The following DLGAP4 variants were observed in gnomAD, a reference collection of about 807,000 sequenced individuals.
DLGAP4 encodes the protein DLG associated protein 4.
In DLGAP4, 18 loss-of-function variants were observed where a neutral mutation model predicts 86.9. The ratio of observed to expected loss-of-function variants is 0.21; its 90% CI spans 0.14 to 0.31. The LOEUF is 0.31. DLGAP4 is among the 10% of genes least tolerant of loss of function. The pLI, the probability that DLGAP4 is intolerant of heterozygous loss-of-function variation, is 1.00. For synonymous variants in DLGAP4, 548 were observed against 574.3 expected (o/e 0.95, Z 0.65); for missense variants, 1,085 against 1,362.6 (o/e 0.80, Z 3.21).
At chr20:36,524,015 G>C (rs2037546212) in intron 10 of DLGAP4, among the ~76,000 whole-genome samples, 1 of 151,996 alleles carries the variant, frequency 6.6e-6, no homozygotes. Context: ...TTTACACTCA[G>C]TTTTCATATT....
chr20:36,505,878 A>G (rs943801341), intron 10 of DLGAP4, among the ~76,000 whole-genome samples: 8 of 152,132 alleles, frequency 5.3e-5, no homozygotes, highest in African/African-American at 1.7e-4. Flanking sequence ...CATTGAGTAC[A>G]CTGAGGAAGA....
chr20:36,478,876 A>G (rs563175239), intron 7 of DLGAP4, among the ~76,000 whole-genome samples: 88 of 152,256 alleles, frequency 5.8e-4, no homozygotes, highest in African/African-American at 1.9e-3. Flanking sequence ...CATCTCCTTG[A>G]GGGGATCAAA....
At chr20:36,317,313 C>T (rs1405117547) in intron 1 of DLGAP4, among the ~76,000 whole-genome samples, 9,217 of 17,460 alleles carry the variant, frequency 0.53, 1,180 homozygotes, top group Middle Eastern at 0.69. Context: ...TTCTTCCTTC[C>T]TTCCTTCCTT....
intron 7 of DLGAP4, among the ~76,000 whole-genome samples, chr20:36,474,498 T>C (rs920928241): frequency 5.3e-5 from 8 of 152,234 alleles, no homozygotes; most frequent in African/African-American, 1.9e-4. Context: ...GGACCTATTA[T>C]TGACTGCGGA....
At chr20:36,486,346 T>C (rs1029148703) in intron 7 of DLGAP4, among the ~76,000 whole-genome samples, 9 of 152,148 alleles carry the variant, frequency 5.9e-5, no homozygotes, top group African/African-American at 2.2e-4. Context: ...AGCTTTAGAC[T>C]GGATGGTCAG....
intron 7 of DLGAP4, among the ~76,000 whole-genome samples, chr20:36,469,752 CAAAAA>C (rs529690960): frequency 1.2e-5 from 1 of 81,832 alleles, no homozygotes. Flanking sequence ...GACTCTGTCT[CAAAAA>C]AAAAAAAAAA....
At chr20:36,493,714 G>A (rs1224454640) in intron 7 of DLGAP4, among the ~76,000 whole-genome samples, 1 of 152,224 alleles carries the variant, frequency 6.6e-6, no homozygotes, top group Non-Finnish European at 1.5e-5. Flanking sequence ...GCAGAGTGAG[G>A]TGGCTGTGCC....
At chr20:36,482,552 C>A (rs2035233019) in intron 7 of DLGAP4, among the ~76,000 whole-genome samples, 1 of 152,236 alleles carries the variant, frequency 6.6e-6, no homozygotes, top group Non-Finnish European at 1.5e-5. Flanking sequence ...CTCAGTCCTT[C>A]ACCAGACCAA....
Position 36,308,121 on chromosome 20 carries a change from G to A in DLGAP4, c.-304+1609G>A, listed in dbSNP as rs782713086. On this transcript the variant is annotated intron_variant, in intron 1 of 12. Transcript: ENST00000339266. The surrounding 1 kb of genome is among the most constrained non-coding windows in gnomAD (Gnocchi z 4.5). The stretch of plus-strand genomic sequence containing the variant: ...AGCTCCGGAGACGCTGGCTGTGCAC[G>A]TGGGGCTGGCTAGAGTGCCTGTCTC... Among the ~76,000 whole-genome samples the A allele has an allele frequency of 5.3e-5, 8 of 152,224 alleles. No homozygotes were observed. Among genetic ancestry groups the A allele is most frequent in the Non-Finnish European group, 1.2e-4 (8 of 68,044 alleles).
At chr20:36,482,160 A>T (rs902698058) in intron 7 of DLGAP4, among the ~76,000 whole-genome samples, 1 of 151,772 alleles carries the variant, frequency 6.6e-6, no homozygotes, top group African/African-American at 2.4e-5. Flanking sequence ...TACTCCTGTC[A>T]CCTGATATGC....
chr20:36,319,373 T>G (rs1600394628), intron 1 of DLGAP4, among the ~76,000 whole-genome samples: 1 of 151,628 alleles, frequency 6.6e-6, no homozygotes, highest in Non-Finnish European at 1.5e-5. Context: ...GGTTTGAGGG[T>G]GAATTGAGGT....
At chr20:36,515,203 T>C (rs567035756) in intron 10 of DLGAP4, among the ~76,000 whole-genome samples, 11 of 152,352 alleles carry the variant, frequency 7.2e-5, no homozygotes, top group East Asian at 3.9e-4. Flanking sequence ...AAAAAACTTT[T>C]GTTTTATATA....
At chr20:36,468,330 G>A (rs2034510105) in intron 7 of DLGAP4, among the ~76,000 whole-genome samples, 1 of 152,254 alleles carries the variant, frequency 6.6e-6, no homozygotes, top group Admixed American at 6.5e-5. Context: ...GAAGGGACTT[G>A]TCTCCAAGGT....
At chr20:36,343,815 C>T (rs574639157) in intron 1 of DLGAP4, among the ~76,000 whole-genome samples, 2 of 152,348 alleles carry the variant, frequency 1.3e-5, no homozygotes, top group African/African-American at 2.4e-5. Flanking sequence ...CTCCCCGGTA[C>T]TCAGATGCCT....
intron 2 of DLGAP4, among the ~76,000 whole-genome samples, chr20:36,397,164 C>G (rs1315521495): frequency 1.3e-5 from 2 of 152,156 alleles, no homozygotes; most frequent in African/African-American, 4.8e-5. Context: ...CTGAGGCAGC[C>G]CTGTACTCCC....
chr20:36,374,161 A>C (rs982764992), intron 2 of DLGAP4, among the ~76,000 whole-genome samples: 1 of 152,094 alleles, frequency 6.6e-6, no homozygotes. Context: ...TACCGATTTC[A>C]CTAGGGAGAC....
intron 7 of DLGAP4, among the ~76,000 whole-genome samples, chr20:36,466,574 C>G (rs2034363170): frequency 6.6e-6 from 1 of 152,206 alleles, no homozygotes; most frequent in Admixed American, 6.5e-5. Context: ...ATTTCCCAGA[C>G]CTGACTGTGG....
chr20:36,476,400 T>C (rs2034928737), intron 7 of DLGAP4, among the ~76,000 whole-genome samples: 1 of 141,936 alleles, frequency 7.0e-6, no homozygotes, highest in South Asian at 2.3e-4. Flanking sequence ...CTCTCTTGGC[T>C]CACTGCAACC....
intron 1 of DLGAP4, among the ~76,000 whole-genome samples, chr20:36,311,917 G>A (rs1447699673): frequency 6.6e-6 from 1 of 152,228 alleles, no homozygotes; most frequent in Non-Finnish European, 1.5e-5. Flanking sequence ...CACAGCAAGC[G>A]TTGGGTGGGG....
Sources: allele counts gnomAD v4.1 joint callset (sites outside exome capture counted in the v4.1 genomes callset), GRCh38; gene constraint gnomAD v4.1.1; non-coding constraint Gnocchi (gnomAD v3.1); transcripts MANE v1.5; gene names NCBI Gene and HGNC (gene_info 2026-07-23, HGNC 2026-07-21).